Variants in PAQR5 observed in about 807,000 individuals in gnomAD.
PAQR5 encodes progestin and adipoQ receptor family member 5, also known as membrane progestin receptor gamma.
A neutral mutation model predicts 34.5 loss-of-function variants in PAQR5; 20 were observed. The ratio of observed to expected loss-of-function variants is 0.58; its 90% confidence interval spans 0.41 to 0.84. The LOEUF is 0.84. Among genes scored for constraint, PAQR5 ranks in the 40% least tolerant of loss-of-function variants. PAQR5 has a pLI of 0.00. For synonymous variants in PAQR5, 131 were observed against 155.6 expected, an observed-to-expected ratio of 0.84 and a Z score of 1.18; for missense variants, 378 against 412.7, an observed-to-expected ratio of 0.92 and a Z score of 0.73.
chr15:69,351,204 A>G (rs971565881), intron 2 of PAQR5, among the ~76,000 whole-genome samples: 2 of 152,246 alleles, frequency 1.3e-5, no homozygotes, highest in African/African-American at 4.8e-5. Context: ...ATCAAAAACA[A>G]TATCCCATCC....
intron 1 of PAQR5, among the ~76,000 whole-genome samples, 157 bp downstream of exon 1, chr15:69,299,213 G>C (rs1566984164): frequency 6.6e-6 from 1 of 152,200 alleles, no homozygotes. Flanking sequence ...TTGTGCCGGG[G>C]CGGCCCTGAT....
intron 1 of PAQR5, among the ~76,000 whole-genome samples, chr15:69,319,224 C>T (rs1201914436): frequency 6.9e-6 from 1 of 144,690 alleles, no homozygotes; most frequent in Admixed American, 7.0e-5. Flanking sequence ...AATGTGGTCT[C>T]TCCCTCTCCC....
intron 1 of PAQR5, among the ~76,000 whole-genome samples, chr15:69,300,154 C>T (rs1046033906): frequency 2.0e-5 from 3 of 152,084 alleles, no homozygotes; most frequent in Admixed American, 6.5e-5. Context: ...CTCCCCACCC[C>T]CCTAGGTTCT....
intron 2 of PAQR5, among the ~76,000 whole-genome samples, chr15:69,349,582 C>G (rs2054857077): frequency 6.6e-6 from 1 of 152,036 alleles, no homozygotes; most frequent in South Asian, 2.1e-4. Flanking sequence ...AAACATGAAT[C>G]AAAACATGGG....
intron 2 of PAQR5, among the ~76,000 whole-genome samples, chr15:69,350,059 G>T (rs2054872683): frequency 2.0e-5 from 3 of 152,174 alleles, no homozygotes; most frequent in South Asian, 4.1e-4. Context: ...CATTTCTGTA[G>T]GCCAGACTTT....
intron 2 of PAQR5, among the ~76,000 whole-genome samples, chr15:69,346,707 C>T (rs145583038): frequency 0.017 from 2,606 of 151,734 alleles, 77 homozygotes; most frequent in East Asian, 0.12. Context: ...CTGCAACCTC[C>T]GCCTCCCAGG....
intron 2 of PAQR5, among the ~76,000 whole-genome samples, chr15:69,352,509 C>T (rs2054947426): frequency 2.6e-5 from 4 of 152,244 alleles, no homozygotes; most frequent in South Asian, 2.1e-4. Context: ...TGCCTTCTCT[C>T]TTCCAGCCTG....
At chr15:69,351,849 A>G (rs1409964769) in intron 2 of PAQR5, among the ~76,000 whole-genome samples, 1 of 152,140 alleles carries the variant, frequency 6.6e-6, no homozygotes, top group African/African-American at 2.4e-5. Flanking sequence ...AAGATGAGGG[A>G]TAAGTTGTTG....
At position 69,403,731 on chromosome 15, in the gene PAQR5, T is replaced by TG. The variant is rs1348352969; in HGVS notation, c.903dup (p.Cys302ValfsTer26). The TG allele has an allele frequency of 2.5e-6, 4 of 1,614,112 alleles. No homozygotes were observed. Among genetic ancestry groups the TG allele is most frequent in the Non-Finnish European group, 3.4e-6 (4 of 1,180,044 alleles). ...TCTCAGATAGCTGGAGCCATACTTCTGTGCATCATCTTCAGCCTCAGCAAC... is the reference window on the plus strand; with the variant it reads ...TCTCAGATAGCTGGAGCCATACTTCTGGTGCATCATCTTCAGCCTCAGCAAC... On this transcript the variant is annotated frameshift_variant, in exon 9 of 9. Coordinates refer to ENST00000395407, the MANE Select transcript of PAQR5 (RefSeq NM_017705.4). LOFTEE classifies it high-confidence loss of function.
At chr15:69,396,801 G>T in intron 6 of PAQR5, 2 of 268,550 alleles carry the variant, frequency 7.4e-6, no homozygotes, top group Non-Finnish European at 1.5e-5. Context: ...TCTGTCTGGG[G>T]GGACCTGCCT....
chr15:69,311,038 C>CAA (rs760679672), intron 1 of PAQR5, among the ~76,000 whole-genome samples: 8,036 of 36,028 alleles, frequency 0.22, 2,157 homozygotes, highest in Middle Eastern at 0.41. Context: ...GACTCCGTCG[C>CAA]AAAAAATAAA....
Position 69,360,033 on chromosome 15 carries a change from T to G in PAQR5, c.-48T>G. 6.6e-7 allele frequency: 1 copy of G among 1,513,070 alleles called. No individual in the cohort carries two copies. Among genetic ancestry groups the G allele is most frequent in the Non-Finnish European group, 9.2e-7 (1 of 1,088,946 alleles). 93.7% of individuals were successfully genotyped at this position (1,513,070 alleles called of 1,614,324 possible). ...TGTTAGAGCTTTGAGTGAGGCCTGG[T>G]AACAGGGAGGCGCTGTCACCTACTG... On this transcript the variant is annotated 5_prime_UTR_variant, in exon 3 of 9. Coordinates refer to ENST00000395407, the MANE Select transcript of PAQR5 (RefSeq NM_017705.4).
At chr15:69,343,633 G>C (rs551895098) in intron 2 of PAQR5, among the ~76,000 whole-genome samples, 30 of 152,134 alleles carry the variant, frequency 2.0e-4, no homozygotes, top group Non-Finnish European at 3.4e-4. Flanking sequence ...ATTTCAACAC[G>C]CACTTTTTTT....
intron 2 of PAQR5, among the ~76,000 whole-genome samples, chr15:69,355,092 G>A (rs1447583232): frequency 5.3e-5 from 8 of 152,020 alleles, no homozygotes; most frequent in Admixed American, 6.6e-5. Flanking sequence ...CAGCTTGTTA[G>A]AGAGCCTGTT....
chr15:69,370,556 G>A (rs975960933), intron 3 of PAQR5, among the ~76,000 whole-genome samples: 22 of 152,004 alleles, frequency 1.4e-4, no homozygotes, highest in African/African-American at 5.3e-4. Context: ...TTTCGCTCTT[G>A]TTGCCCAGGC....
At chr15:69,300,919 C>T (rs191377809) in intron 1 of PAQR5, among the ~76,000 whole-genome samples, 585 of 11,542 alleles carry the variant, frequency 0.051, 198 homozygotes, top group Middle Eastern at 0.2. Context: ...CTTCCTTTCT[C>T]TCTCTCTCTC....
chr15:69,349,402 A>G lies in PAQR5; in HGVS notation c.-115-10564A>G, dbSNP rs117952379. 3.9e-5 allele frequency among the ~76,000 whole-genome samples: 6 copies of G among 152,246 alleles called. No homozygotes were observed. The East Asian group carries it at 1.2e-3, about 29-fold the overall frequency. On this transcript the variant is annotated intron_variant, in intron 2 of 8. Transcript: ENST00000395407. ...CTGTACTACCCTCCACAAGAACCAAATCCAGAGAACATGTGTGGGGATGGC... is the reference window on the plus strand; with the variant it reads ...CTGTACTACCCTCCACAAGAACCAAGTCCAGAGAACATGTGTGGGGATGGC...
At chr15:69,377,240 A>G (rs1252751364) in intron 3 of PAQR5, among the ~76,000 whole-genome samples, 1 of 152,222 alleles carries the variant, frequency 6.6e-6, no homozygotes, top group Non-Finnish European at 1.5e-5. Context: ...GGATAGACCC[A>G]GTGTGGAGCT....
intron 4 of PAQR5, among the ~76,000 whole-genome samples, chr15:69,384,372 G>A (rs112923839): frequency 0.012 from 1,315 of 111,544 alleles, 60 homozygotes; most frequent in African/African-American, 0.042. Context: ...TCATGGTGGA[G>A]GGTGAGCGGG....
Sources: gnomAD v4.1 joint callset for allele counts (sites outside exome capture counted in the v4.1 genomes callset) on GRCh38, gnomAD v4.1.1 for gene constraint, MANE v1.5 for transcripts, NCBI Gene and HGNC (gene_info 2026-07-23, HGNC 2026-07-21) for gene names.